The following NAALADL2 variants were observed in gnomAD, a reference collection of about 807,000 sequenced individuals.
NAALADL2 encodes the protein N-acetylated alpha-linked acidic dipeptidase like 2, also known as inactive N-acetylated-alpha-linked acidic dipeptidase-like protein 2.
A neutral mutation model predicts 87.2 loss-of-function variants in NAALADL2; 76 were observed. That is an observed-to-expected ratio of 0.87 (90% confidence interval 0.72 to 1.05). The LOEUF (loss-of-function observed/expected upper bound fraction) is 1.05, where lower values mean the gene tolerates loss of function less well. NAALADL2 is among the 50% of genes least tolerant of loss of function. The probability of loss-of-function intolerance (pLI) is 0.00; values close to 1 mark genes in which losing one functional copy is unlikely to be tolerated. For synonymous variants in NAALADL2, 354 were observed against 331.0 expected (o/e 1.07, Z -0.75); for missense variants, 1,089 against 945.8 (o/e 1.15, Z -1.99).
chr3:175,757,195 T>C (rs576451077), intron 13 of NAALADL2, among the ~76,000 whole-genome samples: 1 of 152,026 alleles, frequency 6.6e-6, no homozygotes, highest in Admixed American at 6.6e-5. Context: ...AGACATACTA[T>C]GTATAAACAA....
At chr3:175,569,823 TACACACAC>T (rs34518577) in intron 9 of NAALADL2, among the ~76,000 whole-genome samples, 58 of 147,506 alleles carry the variant, frequency 3.9e-4, no homozygotes, top group South Asian at 3.5e-3. Context: ...GACCAACTAA[TACACACAC>T]ACACACACAC....
Position 175,272,944 on chromosome 3 carries a change from A to G in NAALADL2, c.939+16414A>G, listed in dbSNP as rs1753065733. On this transcript the variant is annotated intron_variant, in intron 4 of 13. Transcript: ENST00000454872. ...ATAATTATGGCAATATAGCAATAAC[A>G]TATTAATGGCAATAATAACATGCAG... is the stretch of plus-strand genomic sequence containing the variant. Among the ~76,000 whole-genome samples the G allele has an allele frequency of 2.6e-5, 4 of 152,116 alleles. No homozygotes were observed. The South Asian group carries it at 8.3e-4, about 31-fold the overall frequency.
chr3:175,241,199 G>C (rs1013113000), intron 3 of NAALADL2, among the ~76,000 whole-genome samples: 2 of 149,882 alleles, frequency 1.3e-5, no homozygotes, highest in African/African-American at 2.5e-5. Context: ...TTCCATAATT[G>C]CTTCTTTCAT....
At chr3:174,530,811 AAACTATATCACT>A (rs1721175218) in intron 1 of NAALADL2, among the ~76,000 whole-genome samples, 1 of 152,236 alleles carries the variant, frequency 6.6e-6, no homozygotes, top group African/African-American at 2.4e-5. Context: ...GGACACAGCC[AAACTATATCACT>A]GGGTGACAAA....
chr3:175,512,687 T>G (rs961554219), intron 9 of NAALADL2, among the ~76,000 whole-genome samples: 1 of 152,220 alleles, frequency 6.6e-6, no homozygotes, highest in African/African-American at 2.4e-5. Context: ...GGAGCCGAAC[T>G]ACTATACAAT....
At chr3:174,819,014 C>T (rs1721107680) in intron 3 of NAALADL2, among the ~76,000 whole-genome samples, 1 of 139,854 alleles carries the variant, frequency 7.2e-6, no homozygotes, top group South Asian at 2.4e-4. Flanking sequence ...AGAAATAATT[C>T]ACTTTGATAT....
chr3:175,303,496 G>T (rs1310682908), intron 4 of NAALADL2, among the ~76,000 whole-genome samples: 1 of 152,010 alleles, frequency 6.6e-6, no homozygotes, highest in Non-Finnish European at 1.5e-5. Flanking sequence ...ATCTTAATCT[G>T]ATTTTTCTAC....
chr3:174,484,061 G>A (rs1368586884), intron 1 of NAALADL2, among the ~76,000 whole-genome samples: 1 of 152,058 alleles, frequency 6.6e-6, no homozygotes. Flanking sequence ...AGAGAGTAAC[G>A]ATTGTCACAG....
At chr3:174,916,634 T>G (rs1259413054) in intron 1 of NAALADL2, among the ~76,000 whole-genome samples, 1 of 152,026 alleles carries the variant, frequency 6.6e-6, no homozygotes, top group African/African-American at 2.4e-5. Flanking sequence ...AAATATTATA[T>G]GTCCTCACAT....
chr3:174,961,052 A>G (rs1205498217), intron 1 of NAALADL2, among the ~76,000 whole-genome samples: 2 of 147,812 alleles, frequency 1.4e-5, no homozygotes, highest in African/African-American at 2.5e-5. Flanking sequence ...ATATATATAT[A>G]TATTAAATAT....
chr3:175,695,911 T>C (rs1001243641), intron 11 of NAALADL2, among the ~76,000 whole-genome samples: 1 of 152,108 alleles, frequency 6.6e-6, no homozygotes, highest in African/African-American at 2.4e-5. Context: ...CAATGTCTAC[T>C]TAAAAAATTT....
chr3:174,809,064 C>G (rs931729400), intron 3 of NAALADL2, among the ~76,000 whole-genome samples: 2 of 151,994 alleles, frequency 1.3e-5, no homozygotes, highest in African/African-American at 4.8e-5. Context: ...TACACATTTA[C>G]CCAATTAGTA....
At chr3:174,678,781 ACT>A (rs1727270806) in intron 2 of NAALADL2, among the ~76,000 whole-genome samples, 1 of 151,780 alleles carries the variant, frequency 6.6e-6, no homozygotes, top group African/African-American at 2.4e-5. Context: ...TTGTATACCG[ACT>A]CTCTATATAT....
intron 2 of NAALADL2, among the ~76,000 whole-genome samples, chr3:175,179,748 A>G (rs1190580895): frequency 6.6e-6 from 1 of 151,788 alleles, no homozygotes; most frequent in Non-Finnish European, 1.5e-5. Flanking sequence ...CATAAATTAC[A>G]TTTTCTATTT....
intron 2 of NAALADL2, among the ~76,000 whole-genome samples, chr3:175,179,735 CT>C (rs1182422582): frequency 6.6e-6 from 1 of 151,946 alleles, no homozygotes; most frequent in African/African-American, 2.4e-5. Flanking sequence ...GCTTTTTAAA[CT>C]ACATAAATTA....
intron 11 of NAALADL2, among the ~76,000 whole-genome samples, chr3:175,729,266 C>T (rs1034600862): frequency 6.6e-6 from 1 of 152,142 alleles, no homozygotes; most frequent in African/African-American, 2.4e-5. Context: ...TCCCCCATAG[C>T]ATGGTAATGA....
intron 1 of NAALADL2, among the ~76,000 whole-genome samples, chr3:174,441,286 G>A (rs897304885): frequency 1.3e-5 from 2 of 152,126 alleles, no homozygotes; most frequent in Admixed American, 1.3e-4. Context: ...ACCTGGCTCT[G>A]GCAGTCCGCG....
intron 11 of NAALADL2, among the ~76,000 whole-genome samples, chr3:175,630,380 C>T (rs1727593862): frequency 6.6e-6 from 1 of 151,630 alleles, no homozygotes; most frequent in African/African-American, 2.4e-5. Context: ...TCATAATGCC[C>T]TTCCTCGCTA....
At chr3:175,784,106 A>G (rs1477153163) in intron 13 of NAALADL2, among the ~76,000 whole-genome samples, 1 of 150,088 alleles carries the variant, frequency 6.7e-6, no homozygotes, top group East Asian at 1.9e-4. Context: ...TCGTTTTGCC[A>G]GTATTTTATT....
Sources: gnomAD v4.1 joint callset for allele counts (sites outside exome capture counted in the v4.1 genomes callset) on GRCh38, gnomAD v4.1.1 for gene constraint, MANE v1.5 for transcripts, NCBI Gene and HGNC (gene_info 2026-07-23, HGNC 2026-07-21) for gene names.